NRG1: variants seen among roughly 807,000 people sequenced by gnomAD.
The protein encoded by NRG1 is pro-neuregulin-1, membrane-bound isoform.
In NRG1, 18 loss-of-function variants were observed where a neutral mutation model predicts 63.8. That is an observed-to-expected ratio of 0.28 (90% CI 0.19 to 0.42). NRG1 has a LOEUF of 0.42. Among genes scored for constraint, NRG1 ranks in the 10% least tolerant of loss-of-function variants. The pLI, the probability that NRG1 is intolerant of heterozygous loss-of-function variation, is 1.00. For synonymous variants in NRG1, 302 were observed against 301.3 expected, an observed-to-expected ratio of 1.00 and a Z score of -0.02; for missense variants, 762 against 814.7, an observed-to-expected ratio of 0.94 and a Z score of 0.79.
intron 1 of NRG1, among the ~76,000 whole-genome samples, chr8:31,660,785 A>T (rs1213450528): frequency 6.6e-6 from 1 of 152,208 alleles, no homozygotes; most frequent in Non-Finnish European, 1.5e-5. Flanking sequence ...TATTATAAAC[A>T]TACTTCTGTT....
chr8:32,497,011 A>G (rs1302301481), intron 1 of NRG1, among the ~76,000 whole-genome samples: 2 of 152,196 alleles, frequency 1.3e-5, no homozygotes, highest in Non-Finnish European at 2.9e-5. Context: ...CGCAGCTAGT[A>G]AGATTCAGAA....
intron 1 of NRG1, among the ~76,000 whole-genome samples, chr8:32,397,652 A>G (rs961036922): frequency 1.3e-5 from 2 of 152,078 alleles, no homozygotes; most frequent in Non-Finnish European, 2.9e-5. Flanking sequence ...TGTCCTAGTG[A>G]CCATCACTAT....
rs552498333 is a variant in NRG1 at position 32,475,248 on chromosome 8, C to T, written c.38-120580C>T. 2.6e-5 allele frequency among the ~76,000 whole-genome samples: 4 copies of T among 151,944 alleles called. No homozygotes were observed. In the South Asian group the frequency reaches 6.2e-4, roughly 24 times the overall value. On this transcript the variant is annotated intron_variant, in intron 1 of 10. Transcript: ENST00000519301. Reference sequence around the variant, plus strand: ...TTGGGAGGCTGAGGCAGGAGGATCACGAGGTCAAGAGATCGAGACCATCCT... The same window carrying T: ...TTGGGAGGCTGAGGCAGGAGGATCATGAGGTCAAGAGATCGAGACCATCCT...
At chr8:32,675,181 A>G (rs1806751393) in intron 5 of NRG1, among the ~76,000 whole-genome samples, 1 of 152,056 alleles carries the variant, frequency 6.6e-6, no homozygotes, top group Non-Finnish European at 1.5e-5. Context: ...GGTGAAAATT[A>G]CTCTCCAGTG....
chr8:32,546,651 G>C (rs190068220), upstream of NRG1, among the ~76,000 whole-genome samples: 398 of 152,280 alleles, frequency 2.6e-3, 5 homozygotes, highest in African/African-American at 8.8e-3. Context: ...TTATAGCCCA[G>C]TGAAATTTAT....
rs182850048 is a variant in NRG1, at chr8:32,624,431, G to A, written c.502+7546G>A. Among the ~76,000 whole-genome samples the A allele has an allele frequency of 1.3e-3, 203 of 152,180 alleles. 1 individual carries two copies. The highest frequency in any genetic ancestry group is 4.5e-3 in the African/African-American group (187 of 41,522). On this transcript the variant is annotated intron_variant, in intron 5 of 11. Coordinates refer to ENST00000356819, the Ensembl canonical transcript of NRG1. ...AAGAAGGGAAAAGTGAGCTAGACAG[G>A]AAAACAACAACACAATCATTGACAA...
intron 1 of NRG1, among the ~76,000 whole-genome samples, chr8:32,553,316 A>C (rs1327929684): frequency 6.6e-6 from 1 of 152,218 alleles, no homozygotes; most frequent in Non-Finnish European, 1.5e-5. Flanking sequence ...AAAACTACTT[A>C]AGAAATGAAT....
chr8:32,159,306 G>A (rs1398898520), intron 1 of NRG1, among the ~76,000 whole-genome samples: 2 of 151,326 alleles, frequency 1.3e-5, no homozygotes, highest in East Asian at 1.9e-4. Flanking sequence ...AGGCCGAGGC[G>A]GGTGGATCAT....
At chr8:31,797,984 G>A (rs1426577584) in intron 1 of NRG1, among the ~76,000 whole-genome samples, 1 of 152,106 alleles carries the variant, frequency 6.6e-6, no homozygotes, top group African/African-American at 2.4e-5. Context: ...AACAAAAGTT[G>A]AGCTCATAGT....
intron 1 of NRG1, among the ~76,000 whole-genome samples, chr8:32,209,431 C>A (rs1844426942): frequency 6.6e-6 from 1 of 151,858 alleles, no homozygotes; most frequent in Non-Finnish European, 1.5e-5. Flanking sequence ...GTGTATAGCT[C>A]CATTTTACTA....
chr8:32,335,297 A>G (rs1803127686), intron 1 of NRG1, among the ~76,000 whole-genome samples: 2 of 152,212 alleles, frequency 1.3e-5, no homozygotes, highest in African/African-American at 4.8e-5. Flanking sequence ...ATCTTTCCCA[A>G]ATTCATTTAT....
chr8:31,722,289 C>A (rs540676877), intron 1 of NRG1, among the ~76,000 whole-genome samples: 1 of 152,162 alleles, frequency 6.6e-6, no homozygotes, highest in South Asian at 2.1e-4. Flanking sequence ...TATCCTCTTC[C>A]TCTTCATGTA....
chr8:32,621,057 C>T (rs556508206), intron 5 of NRG1, among the ~76,000 whole-genome samples: 1 of 151,892 alleles, frequency 6.6e-6, no homozygotes, highest in South Asian at 2.1e-4. Flanking sequence ...TCGGTTTTGC[C>T]CCCTTTCTGT....
chr8:31,965,421 C>T (rs1373054134), intron 1 of NRG1, among the ~76,000 whole-genome samples: 2 of 152,046 alleles, frequency 1.3e-5, no homozygotes, highest in African/African-American at 4.8e-5. Flanking sequence ...TGGAGTTTCA[C>T]CATGTTGGCC....
At chr8:32,358,349 C>A (rs1320278298) in intron 1 of NRG1, among the ~76,000 whole-genome samples, 1 of 125,444 alleles carries the variant, frequency 8.0e-6, no homozygotes, top group Non-Finnish European at 1.6e-5. Flanking sequence ...ATAAGATCAA[C>A]CGATAGAATG....
At chr8:32,176,871 C>G (rs1364350778) in intron 1 of NRG1, among the ~76,000 whole-genome samples, 2 of 152,124 alleles carry the variant, frequency 1.3e-5, no homozygotes, top group Admixed American at 1.3e-4. Flanking sequence ...CACTTTTACA[C>G]TGTTGGTGGG....
chr8:31,646,207 CT>C (rs1171020543), intron 1 of NRG1, among the ~76,000 whole-genome samples: 1 of 152,220 alleles, frequency 6.6e-6, no homozygotes, highest in African/African-American at 2.4e-5. Context: ...GCCCAAGGCT[CT>C]GTCTTTGGAC....
At chr8:32,534,182 G>A (rs1831735702) in intron 1 of NRG1, among the ~76,000 whole-genome samples, 1 of 152,084 alleles carries the variant, frequency 6.6e-6, no homozygotes, top group South Asian at 2.1e-4. Context: ...GCCCTGGGAA[G>A]GGGAAGAGGA....
intron 1 of NRG1, among the ~76,000 whole-genome samples, chr8:32,592,771 G>C (rs562555685): frequency 6.6e-6 from 1 of 152,252 alleles, no homozygotes; most frequent in South Asian, 2.1e-4. Context: ...GGTCCTTAAA[G>C]AGAAGGTATC....
Sources: allele counts gnomAD v4.1 joint callset (sites outside exome capture counted in the v4.1 genomes callset), GRCh38; gene constraint gnomAD v4.1.1; transcripts MANE v1.5; gene names NCBI Gene and HGNC (gene_info 2026-07-23, HGNC 2026-07-21).